DISC1: variants seen among roughly 807,000 people sequenced by gnomAD.
DISC1 encodes disrupted in schizophrenia 1 protein.
In DISC1, 57 loss-of-function variants were observed where a neutral mutation model predicts 84.5. The ratio of observed to expected loss-of-function variants is 0.67; its 90% CI spans 0.55 to 0.84. The LOEUF (loss-of-function observed/expected upper bound fraction) is 0.84. Ranked by LOEUF, DISC1 falls within the 40% of genes least tolerant of loss-of-function variation. The pLI is 0.00. For missense variants in DISC1, 1,000 were observed against 1,057.8 expected, an observed-to-expected ratio of 0.95 and a Z score of 0.76; for synonymous variants, 411 against 415.2, an observed-to-expected ratio of 0.99 and a Z score of 0.12.
At chr1:231,670,648 C>T (rs1463110839) in intron 1 of DISC1, 2 of 152,198 alleles carry the variant, frequency 1.3e-5, no homozygotes, top group African/African-American at 2.4e-5. Context: ...CCTGGTTTCT[C>T]TTCAGATCAT....
chr1:232,012,043 C>T (rs141735890), intron 11 of DISC1, among the ~76,000 whole-genome samples: 2 of 152,264 alleles, frequency 1.3e-5, no homozygotes, highest in African/African-American at 2.4e-5. Context: ...GGATGCATCA[C>T]GAAGTGAGAG....
intron 6 of DISC1, among the ~76,000 whole-genome samples, chr1:231,786,829 ACTGCG>A (rs1173313871): frequency 6.6e-6 from 1 of 152,106 alleles, no homozygotes; most frequent in Non-Finnish European, 1.5e-5. Flanking sequence ...TGCCCACTGC[ACTGCG>A]TCCACCCTTG....
At chr1:231,744,287 C>T (rs2073709810) in intron 3 of DISC1, among the ~76,000 whole-genome samples, 1 of 152,124 alleles carries the variant, frequency 6.6e-6, no homozygotes. Flanking sequence ...CCCACTGCCC[C>T]AGGGTGAAGA....
At chr1:231,680,382 G>C (rs2063570168) in intron 1 of DISC1, among the ~76,000 whole-genome samples, 1 of 152,054 alleles carries the variant, frequency 6.6e-6, no homozygotes. Flanking sequence ...CTCAGACCCA[G>C]GTAAGTTACA....
rs1670649224 is a variant in DISC1, at chr1:232,038,363, T to G, written c.*1532T>G. 6.6e-6 allele frequency: 1 copy of G among 152,162 alleles called. No homozygotes were observed. Among genetic ancestry groups the G allele is most frequent in the African/African-American group, 2.4e-5 (1 of 41,434 alleles). 9.4% of individuals were successfully genotyped at this position (152,162 alleles called of 1,614,324 possible). On this transcript the variant is annotated 3_prime_UTR_variant, in exon 13 of 13. Transcript: ENST00000439617. ...CAGGCTGATTTCAATTAGGCAGCACTTCCCAAAGTGCACTGAGGAAGGTGG... is the reference window on the plus strand; with the variant it reads ...CAGGCTGATTTCAATTAGGCAGCACGTCCCAAAGTGCACTGAGGAAGGTGG...
chr1:231,652,235 G>A (rs2060688269), intron 1 of DISC1, among the ~76,000 whole-genome samples: 2 of 152,222 alleles, frequency 1.3e-5, no homozygotes, highest in South Asian at 4.1e-4. Flanking sequence ...AATGCATCAT[G>A]TCACTTCTTA....
chr1:231,807,153 C>CCCG (rs2079802356), intron 8 of DISC1, among the ~76,000 whole-genome samples: 1 of 152,244 alleles, frequency 6.6e-6, no homozygotes, highest in African/African-American at 2.4e-5. Context: ...CGGGTCTGCA[C>CCCG]CATTGTGAGA....
At chr1:231,970,952 G>A (rs200580953) in intron 10 of DISC1, among the ~76,000 whole-genome samples, 35 of 152,242 alleles carry the variant, frequency 2.3e-4, no homozygotes, top group Non-Finnish European at 3.8e-4. Context: ...AAGAGACTGA[G>A]CTAAGGAAGG....
rs114340090 is a variant in DISC1, at chr1:231,776,317, C to T, written c.1634+5247C>T. Among the ~76,000 whole-genome samples, 401 of 152,344 alleles carry T rather than the reference C, an allele frequency of 2.6e-3. 4 individuals are homozygous for T. Among genetic ancestry groups the T allele is most frequent in the African/African-American group, 9.1e-3 (377 of 41,580 alleles). On this transcript the variant is annotated intron_variant, in intron 6 of 12. Transcript: ENST00000439617. The stretch of plus-strand genomic sequence containing the variant: ...ATCTGGGGTTGAGTTCTTCATTCCT[C>T]AGCTCCTCGGATTTTTCATGCTTCA...
At chr1:231,747,864 CAGTATG>C in intron 3 of DISC1, among the ~76,000 whole-genome samples, 1 of 152,156 alleles carries the variant, frequency 6.6e-6, no homozygotes, top group South Asian at 2.1e-4. Flanking sequence ...TACAATCCAT[CAGTATG>C]GGCTGTCTTT....
At chr1:231,797,676 C>T (rs2078866234) in intron 7 of DISC1, among the ~76,000 whole-genome samples, 1 of 152,126 alleles carries the variant, frequency 6.6e-6, no homozygotes, top group Non-Finnish European at 1.5e-5. Context: ...GACTTTCAAC[C>T]TATGAATTCT....
At chr1:231,754,497 AG>A (rs2074931396) in intron 4 of DISC1, among the ~76,000 whole-genome samples, 1 of 152,178 alleles carries the variant, frequency 6.6e-6, no homozygotes, top group Non-Finnish European at 1.5e-5. Flanking sequence ...CTCTATCACG[AG>A]AACACCAGGG....
intron 9 of DISC1, among the ~76,000 whole-genome samples, chr1:231,902,776 G>T (rs1378323764): frequency 6.6e-6 from 1 of 152,164 alleles, no homozygotes; most frequent in African/African-American, 2.4e-5. Flanking sequence ...ATATGTACAC[G>T]TTGAGTATCC....
intron 9 of DISC1, among the ~76,000 whole-genome samples, chr1:231,882,103 C>G (rs1446471503): frequency 6.6e-6 from 1 of 152,198 alleles, no homozygotes; most frequent in African/African-American, 2.4e-5. Flanking sequence ...TCAGGCTTTG[C>G]GGGCACAGAT....
At chr1:232,033,261 A>G (rs1670221559) in intron 12 of DISC1, among the ~76,000 whole-genome samples, 1 of 152,122 alleles carries the variant, frequency 6.6e-6, no homozygotes, top group African/African-American at 2.4e-5. Context: ...TCCATATCCC[A>G]CATCCAGTCT....
At chr1:231,647,018 G>C (rs1168486878) in intron 1 of DISC1, among the ~76,000 whole-genome samples, 2 of 152,158 alleles carry the variant, frequency 1.3e-5, no homozygotes, top group Non-Finnish European at 2.9e-5. Context: ...TAGGTTGCCT[G>C]TTCACTCTGA....
chr1:231,651,514 G>A (rs1050519125), intron 1 of DISC1, among the ~76,000 whole-genome samples: 5 of 152,214 alleles, frequency 3.3e-5, no homozygotes, highest in African/African-American at 7.2e-5. Flanking sequence ...CTACTTGGAG[G>A]TGTCTCTCAG....
chr1:231,979,494 C>T (rs988999168), intron 10 of DISC1, among the ~76,000 whole-genome samples: 1 of 151,444 alleles, frequency 6.6e-6, no homozygotes, highest in African/African-American at 2.4e-5. Flanking sequence ...ATTTTCAACT[C>T]AAAGTTAATA....
chr1:231,740,305 A>G (rs949539624), intron 3 of DISC1, among the ~76,000 whole-genome samples: 1 of 152,222 alleles, frequency 6.6e-6, no homozygotes, highest in Non-Finnish European at 1.5e-5. Flanking sequence ...TATTGGTCAT[A>G]TTTAGCACAT....
Sources: gnomAD v4.1 joint callset for allele counts (sites outside exome capture counted in the v4.1 genomes callset) on GRCh38, gnomAD v4.1.1 for gene constraint, MANE v1.5 for transcripts, NCBI Gene and HGNC (gene_info 2026-07-23, HGNC 2026-07-21) for gene names.